Variants in RNF180 observed in about 807,000 individuals in gnomAD.
RNF180 encodes the protein ring finger protein 180.
A neutral mutation model predicts 59.2 loss-of-function variants in RNF180; 38 were observed. The observed-to-expected ratio is 0.64, with a 90% CI of 0.50 to 0.84. The LOEUF (loss-of-function observed/expected upper bound fraction) is 0.84, where lower values mean the gene tolerates loss of function less well. Among genes scored for constraint, RNF180 ranks in the 40% least tolerant of loss-of-function variants. The probability of loss-of-function intolerance (pLI) is 0.00; values close to 1 mark genes in which losing one functional copy is unlikely to be tolerated. For missense variants in RNF180, 705 were observed against 700.9 expected (o/e 1.01, Z -0.07); for synonymous variants, 262 against 240.3 (o/e 1.09, Z -0.84).
chr5:64,321,117 T>C (rs1744324545), intron 5 of RNF180, among the ~76,000 whole-genome samples: 1 of 151,768 alleles, frequency 6.6e-6, no homozygotes, highest in Non-Finnish European at 1.5e-5. Context: ...AAGACAAGGA[T>C]GCCCTCCTCT....
At chr5:64,330,481 G>C in intron 7 of RNF180, 75 bp downstream of exon 7, 3 of 1,322,590 alleles carry the variant, frequency 2.3e-6, no homozygotes, top group East Asian at 2.5e-5. Context: ...ACTTCCTGCT[G>C]TCTCAGAAAT....
At chr5:64,191,366 A>G (rs1430258178) in intron 1 of RNF180, among the ~76,000 whole-genome samples, 1 of 152,210 alleles carries the variant, frequency 6.6e-6, no homozygotes, top group Non-Finnish European at 1.5e-5. Context: ...GGATGTTGAC[A>G]AATGTATAAC....
intron 5 of RNF180, among the ~76,000 whole-genome samples, chr5:64,324,657 G>T (rs1485988491): frequency 1.3e-5 from 2 of 152,162 alleles, no homozygotes; most frequent in African/African-American, 4.8e-5. Context: ...TCTTTGCTTT[G>T]CTTTCCTCCT....
chr5:64,358,210 G>A (rs901792608), intron 7 of RNF180, among the ~76,000 whole-genome samples: 2 of 151,826 alleles, frequency 1.3e-5, no homozygotes, highest in African/African-American at 4.8e-5. Context: ...CCCCTGTCTG[G>A]TATATTGCTG....
chr5:64,337,741 G>C (rs921939050), intron 7 of RNF180, among the ~76,000 whole-genome samples: 2 of 143,508 alleles, frequency 1.4e-5, no homozygotes, highest in Non-Finnish European at 3.0e-5. Context: ...CCACCTATGA[G>C]TGAGAACATG....
At chr5:64,203,845 A>G (rs932331126) in intron 2 of RNF180, among the ~76,000 whole-genome samples, 5 of 152,008 alleles carry the variant, frequency 3.3e-5, no homozygotes, top group African/African-American at 1.2e-4. Context: ...CCCTTTATAA[A>G]ACATATTTTA....
At chr5:64,186,732 C>G (rs1338836120) in intron 1 of RNF180, among the ~76,000 whole-genome samples, 1 of 151,988 alleles carries the variant, frequency 6.6e-6, no homozygotes, top group Non-Finnish European at 1.5e-5. Flanking sequence ...GTATCATGTC[C>G]TGGATTGCTC....
In RNF180 at chr5:64,250,216, A is replaced by G. The variant is rs1373086331; in HGVS notation, c.1227+32820A>G. On this transcript the variant is annotated intron_variant, in intron 5 of 7. Coordinates refer to ENST00000389100, the MANE Select transcript of RNF180 (RefSeq NM_001113561.2). Reference sequence around the variant, plus strand: ...TTAAACAATGTGCTCCTGAACAACCAATGGGTTAGTGAAAAAATTAAAAGG... The same window carrying G: ...TTAAACAATGTGCTCCTGAACAACCGATGGGTTAGTGAAAAAATTAAAAGG... 2.0e-5 allele frequency among the ~76,000 whole-genome samples: 3 copies of G among 152,288 alleles called. No homozygotes were observed. In the East Asian group the frequency reaches 5.8e-4, roughly 29 times the overall value.
At chr5:64,255,784 C>T (rs1277940313) in intron 5 of RNF180, among the ~76,000 whole-genome samples, 4 of 152,190 alleles carry the variant, frequency 2.6e-5, no homozygotes, top group African/African-American at 9.7e-5. Flanking sequence ...CACTGTCTTC[C>T]ACAATGGTTG....
intron 5 of RNF180, among the ~76,000 whole-genome samples, chr5:64,294,269 G>A (rs1375045037): frequency 6.6e-6 from 1 of 152,176 alleles, no homozygotes; most frequent in African/African-American, 2.4e-5. Flanking sequence ...AAGGGTAAAT[G>A]CTTGAGGGGA....
chr5:64,242,625 A>G (rs1315567099), intron 5 of RNF180, among the ~76,000 whole-genome samples: 2 of 152,212 alleles, frequency 1.3e-5, no homozygotes. Context: ...ATAGGAGTTC[A>G]AGAATGAGAA....
intron 5 of RNF180, among the ~76,000 whole-genome samples, chr5:64,270,916 A>G (rs1741362468): frequency 6.6e-6 from 1 of 152,112 alleles, no homozygotes; most frequent in Non-Finnish European, 1.5e-5. Flanking sequence ...TTTTTTGTTT[A>G]TCCTGCACCA....
At chr5:64,259,664 T>C (rs772389488) in intron 5 of RNF180, among the ~76,000 whole-genome samples, 8 of 152,298 alleles carry the variant, frequency 5.3e-5, no homozygotes, top group African/African-American at 1.9e-4. Flanking sequence ...GGCTCACACC[T>C]GTAATCCCAG....
chr5:64,207,902 T>C (rs996882085), intron 2 of RNF180, among the ~76,000 whole-genome samples: 4 of 152,126 alleles, frequency 2.6e-5, no homozygotes, highest in African/African-American at 4.8e-5. Context: ...AGTCAAATAA[T>C]ATAGTTGGCT....
rs1005212357 is a variant in RNF180 at position 64,372,324 on chromosome 5, A to C, written c.*2510A>C. The C allele has an allele frequency of 6.6e-6, 1 of 151,840 alleles. No individual in the cohort carries two copies. The highest frequency in any genetic ancestry group is 1.5e-5 in the Non-Finnish European group (1 of 67,834). 9.4% of individuals were successfully genotyped at this position (151,840 alleles called of 1,614,324 possible). A position where few individuals can be genotyped will look rare whatever the true frequency, so the allele number is the denominator to read the frequency against. Reference sequence around the variant, plus strand: ...AAGACAGGGAAATTTAAATTAGACAAAGTTGAAAAAGAATCAGAATTTATA... The same window carrying C: ...AAGACAGGGAAATTTAAATTAGACACAGTTGAAAAAGAATCAGAATTTATA... On this transcript the variant is annotated 3_prime_UTR_variant, in exon 8 of 8. Transcript: ENST00000389100.
At chr5:64,177,141 A>G (rs938754917) in intron 1 of RNF180, among the ~76,000 whole-genome samples, 3 of 152,194 alleles carry the variant, frequency 2.0e-5, no homozygotes, top group African/African-American at 7.2e-5. Flanking sequence ...GTATAGCTAC[A>G]CGTGTCTGAC....
intron 5 of RNF180, among the ~76,000 whole-genome samples, chr5:64,292,312 T>TG: frequency 6.6e-6 from 1 of 152,282 alleles, no homozygotes; most frequent in Admixed American, 6.5e-5. Flanking sequence ...AATGGGGTTT[T>TG]GGGGGTCTTT....
chr5:64,293,776 CT>C (rs1377016513), intron 5 of RNF180, among the ~76,000 whole-genome samples: 12 of 152,128 alleles, frequency 7.9e-5, no homozygotes, highest in Admixed American at 2.6e-4. Flanking sequence ...AAAGAAAGCA[CT>C]GTTTCTTTTG....
intron 4 of RNF180, among the ~76,000 whole-genome samples, chr5:64,216,908 G>T (rs1436123731): frequency 1.3e-5 from 2 of 152,010 alleles, no homozygotes; most frequent in Admixed American, 6.6e-5. Flanking sequence ...CACATGTAAA[G>T]GTTTATATAA....
Sources: gnomAD v4.1 joint callset for allele counts (sites outside exome capture counted in the v4.1 genomes callset) on GRCh38, gnomAD v4.1.1 for gene constraint, MANE v1.5 for transcripts, NCBI Gene and HGNC (gene_info 2026-07-23, HGNC 2026-07-21) for gene names.